Variants in INVS observed in about 807,000 individuals in gnomAD.
INVS encodes the protein inversin.
A neutral mutation model predicts 108.8 loss-of-function variants in INVS; 86 were observed. The ratio of observed to expected loss-of-function variants is 0.79; its 90% CI spans 0.66 to 0.95. The LOEUF (loss-of-function observed/expected upper bound fraction) is 0.95, where lower values mean the gene tolerates loss of function less well. Among genes scored for constraint, INVS ranks in the 40% least tolerant of loss-of-function variants. INVS has a pLI of 0.00. For missense variants in INVS, 1,169 were observed against 1,297.4 expected (o/e 0.90, Z 1.52); for synonymous variants, 455 against 473.5 (o/e 0.96, Z 0.51).
chr9:100,138,283 A>G (rs846751), intron 3 of INVS, among the ~76,000 whole-genome samples: 104,034 of 151,798 alleles, frequency 0.69, 36,736 homozygotes, highest in East Asian at 0.91. Context: ...GCACGTGCCT[A>G]TAATCCCAGC....
At chr9:100,193,115 C>G (rs571523883) in intron 3 of INVS, among the ~76,000 whole-genome samples, 37 of 151,892 alleles carry the variant, frequency 2.4e-4, no homozygotes, top group African/African-American at 8.4e-4. Context: ...GTAGCTGGTA[C>G]TACAGGCATG....
intron 13 of INVS, among the ~76,000 whole-genome samples, chr9:100,286,645 C>T (rs1833452483): frequency 6.6e-6 from 1 of 152,184 alleles, no homozygotes; most frequent in African/African-American, 2.4e-5. Context: ...TGCTTTGGTA[C>T]ATATTCATTC....
At chr9:100,186,480 C>T (rs867497898) in intron 3 of INVS, among the ~76,000 whole-genome samples, 1 of 152,096 alleles carries the variant, frequency 6.6e-6, no homozygotes, top group African/African-American at 2.4e-5. Context: ...ACATTCCTGC[C>T]AGCAGCATAT....
intron 1 of INVS, chr9:100,101,829 A>G (rs1827003832): frequency 6.6e-6 from 1 of 152,166 alleles, no homozygotes. Flanking sequence ...AGATAAGTAC[A>G]TATGCTTGAG....
At chr9:100,262,055 TAAAC>T in intron 10 of INVS, among the ~76,000 whole-genome samples, 1 of 152,114 alleles carries the variant, frequency 6.6e-6, no homozygotes, top group East Asian at 1.9e-4. Context: ...TTTTAGATGT[TAAAC>T]AACCCTTGCA....
intron 14 of INVS, among the ~76,000 whole-genome samples, chr9:100,293,801 C>T (rs1833701970): frequency 1.3e-5 from 2 of 152,190 alleles, no homozygotes; most frequent in African/African-American, 4.8e-5. Context: ...GAAAGCCTCA[C>T]TAGAGCCTAA....
intron 3 of INVS, among the ~76,000 whole-genome samples, chr9:100,177,037 C>A (rs867974000): frequency 1.3e-5 from 2 of 151,832 alleles, no homozygotes; most frequent in African/African-American, 4.8e-5. Flanking sequence ...CATGATGATG[C>A]CCTAACCAAG....
chr9:100,191,295 T>G (rs1416653601), intron 3 of INVS, among the ~76,000 whole-genome samples: 3 of 152,192 alleles, frequency 2.0e-5, no homozygotes, highest in Non-Finnish European at 4.4e-5. Context: ...TTGTTTGTCT[T>G]CTCCCTCAGG....
intron 3 of INVS, among the ~76,000 whole-genome samples, chr9:100,225,101 A>G (rs1831272750): frequency 6.7e-6 from 1 of 148,264 alleles, no homozygotes; most frequent in Admixed American, 6.8e-5. Context: ...TCTGTCGCCC[A>G]GCCTGGAGTG....
rs781645386 is a variant in INVS at position 100,292,867 on chromosome 9, C to T, written c.2610C>T (p.Asp870=). The change falls in exon 14 of 17, where the codon GAC becomes GAT. Residue 870 remains aspartate, a synonymous_variant. Coordinates refer to ENST00000262457, the MANE Select transcript of INVS (RefSeq NM_014425.5). ...TGGAGACATCTACCCTGTCCGAGGA[C>T]TTTCAGGTATCTAAGGAGACTGATC... is the stretch of plus-strand genomic sequence containing the variant. The part of the protein sequence containing the change: ...RRLETSTLSE[D]FQVSKETDPA... 6.2e-7 allele frequency: 1 copy of T among 1,614,174 alleles called. No individual in the cohort carries two copies. Among genetic ancestry groups the T allele is most frequent in the Non-Finnish European group, 8.5e-7 (1 of 1,180,044 alleles).
intron 10 of INVS, among the ~76,000 whole-genome samples, chr9:100,255,029 T>G (rs1832370420): frequency 6.6e-6 from 1 of 152,232 alleles, no homozygotes; most frequent in South Asian, 2.1e-4. Context: ...TTTCACGATA[T>G]TGATTCTTCC....
Position 100,240,136 on chromosome 9 carries a change from A to G in INVS, c.692A>G (p.Asp231Gly). Residue 231 changes from aspartate (D) to glycine (G), a missense_variant, in exon 6 of 17, where the codon GAT becomes GGT. Physicochemically the swap from Asp to Gly is moderately conservative, Grantham distance 94. Around this residue, in one of 3 missense-constraint regions of INVS, gnomAD observed 365 missense variants for 397.5 expected, o/e 0.92. Coordinates refer to ENST00000262457, the MANE Select transcript of INVS (RefSeq NM_014425.5). ...GRTPLHFAVA[D>G]GNVTVVDVLT... The stretch of plus-strand genomic sequence containing the variant: ...ACTCCTCTTCACTTTGCAGTTGCTG[A>G]TGGGAATGTGACCGTGGTTGATGTC... The G allele has an allele frequency of 6.2e-7, 1 of 1,614,020 alleles. No homozygotes were observed. Among genetic ancestry groups the G allele is most frequent in the Non-Finnish European group, 8.5e-7 (1 of 1,179,890 alleles).
chr9:100,169,663 A>C (rs1829477840), intron 3 of INVS, among the ~76,000 whole-genome samples: 1 of 152,212 alleles, frequency 6.6e-6, no homozygotes, highest in Admixed American at 6.5e-5. Context: ...GGTAGGTACT[A>C]AGAGCATTTG....
At chr9:100,172,780 A>T (rs1407195380) in intron 3 of INVS, among the ~76,000 whole-genome samples, 1 of 152,208 alleles carries the variant, frequency 6.6e-6, no homozygotes, top group Non-Finnish European at 1.5e-5. Context: ...AATTCTGTCC[A>T]AGAGTAGGAG....
chr9:100,300,703 G>A lies in INVS; in HGVS notation c.*29G>A, dbSNP rs148244309. On this transcript the variant is annotated 3_prime_UTR_variant, in exon 17 of 17. Coordinates refer to ENST00000262457, the MANE Select transcript of INVS (RefSeq NM_014425.5). ...CCTATGGAGGAAGACTGTGTTCGGG[G>A]GAGCTGGCATAGCTAGTGCAGAGTT... The A allele has an allele frequency of 2.0e-4, 294 of 1,490,946 alleles. 1 individual carries two copies. In the African/African-American group the frequency reaches 3.5e-3, roughly 18 times the overall value. The allele number at this position is 1,490,946 out of a possible 1,614,324, so 92.4% of individuals were successfully genotyped here.
chr9:100,141,642 G>A (rs1457694068), intron 3 of INVS, among the ~76,000 whole-genome samples: 1 of 152,154 alleles, frequency 6.6e-6, no homozygotes, highest in Non-Finnish European at 1.5e-5. Context: ...CTGACTCGGG[G>A]CACGTGAGTA....
At chr9:100,186,715 G>A (rs1327526003) in intron 3 of INVS, among the ~76,000 whole-genome samples, 1 of 151,744 alleles carries the variant, frequency 6.6e-6, no homozygotes, top group Non-Finnish European at 1.5e-5. Context: ...GGATTATTTG[G>A]GTTTTTTCCT....
chr9:100,238,514 C>T (rs1335589384), intron 5 of INVS, among the ~76,000 whole-genome samples: 1 of 152,188 alleles, frequency 6.6e-6, no homozygotes, highest in Non-Finnish European at 1.5e-5. Context: ...TAGCTGTTAT[C>T]TTTAAATATC....
intron 3 of INVS, among the ~76,000 whole-genome samples, chr9:100,147,756 A>G (rs1189197617): frequency 6.6e-6 from 1 of 152,214 alleles, no homozygotes; most frequent in Non-Finnish European, 1.5e-5. Context: ...ATGGAAAACT[A>G]GGGAACTGTG....
Sources: allele counts gnomAD v4.1 joint callset (sites outside exome capture counted in the v4.1 genomes callset), GRCh38; gene constraint gnomAD v4.1.1; regional missense constraint gnomAD v4.1.1; transcripts MANE v1.5; gene names NCBI Gene and HGNC (gene_info 2026-07-23, HGNC 2026-07-21).